DNAH2: variants seen among roughly 807,000 people sequenced by gnomAD.
DNAH2 encodes axonemal beta dynein heavy chain 2.
DNAH2 carries 323 observed loss-of-function variants against 523.5 expected under a neutral mutation model. That is an observed-to-expected ratio of 0.62 (90% CI 0.56 to 0.68). The LOEUF (loss-of-function observed/expected upper bound fraction) is 0.68, where lower values mean the gene tolerates loss of function less well. Ranked by LOEUF, DNAH2 falls within the 30% of genes least tolerant of loss-of-function variation. The pLI is 0.00. For missense variants in DNAH2, 4,907 were observed against 5,701.5 expected (o/e 0.86, Z 4.49); for synonymous variants, 2,093 against 2,177.4 (o/e 0.96, Z 1.08).
At chr17:7,806,546 C>A (rs540139993) in intron 61 of DNAH2, among the ~76,000 whole-genome samples, 42 of 150,562 alleles carry the variant, frequency 2.8e-4, no homozygotes, top group African/African-American at 9.3e-4. Flanking sequence ...GTAGTCCCAG[C>A]TACTCGGGAG....
chr17:7,802,299 A>G (rs1334835756), intron 58 of DNAH2, among the ~76,000 whole-genome samples: 1 of 152,236 alleles, frequency 6.6e-6, no homozygotes, highest in Non-Finnish European at 1.5e-5. Flanking sequence ...TTGCCATAAT[A>G]TACCCAGTCC....
At chr17:7,763,095 C>T (rs1328802656) in intron 18 of DNAH2, among the ~76,000 whole-genome samples, 4 of 151,970 alleles carry the variant, frequency 2.6e-5, no homozygotes, top group Admixed American at 6.6e-5. Flanking sequence ...TCTGCCTCAG[C>T]CTCCCCAGTA....
Position 7,760,640 on chromosome 17 carries a change from C to T in DNAH2, c.2786-100C>T, listed in dbSNP as rs1429028773. The T allele has an allele frequency of 2.6e-6, 3 of 1,139,814 alleles. No individual in the cohort carries two copies. The highest frequency in any genetic ancestry group is 1.2e-6 in the Non-Finnish European group (1 of 803,570). The allele number at this position is 1,139,814 out of a possible 1,614,324, so 70.6% of individuals were successfully genotyped here. Reference sequence around the variant, plus strand: ...GTTTGAGCTGTATTTCTCTGGGAAGCTGGTTTTAGAGTGGAAGGTCTGGAG... The same window carrying T: ...GTTTGAGCTGTATTTCTCTGGGAAGTTGGTTTTAGAGTGGAAGGTCTGGAG... On this transcript the variant is annotated intron_variant, in intron 17 of 85. Transcript: ENST00000572933. This position sits in a 1 kb window ranked among gnomAD's most constrained non-coding sequence, Gnocchi z 4.0.
At chr17:7,756,402 A>G (rs1446104211) in intron 12 of DNAH2, among the ~76,000 whole-genome samples, 3 of 151,576 alleles carry the variant, frequency 2.0e-5, no homozygotes, top group Non-Finnish European at 4.4e-5. Flanking sequence ...TAGCCTCCAG[A>G]GTAGCTGGGA....
intron 5 of DNAH2, 50 bp downstream of exon 5, chr17:7,733,365 G>A (rs2075046451): frequency 3.8e-6 from 6 of 1,576,062 alleles, no homozygotes; most frequent in Non-Finnish European, 4.3e-6. Flanking sequence ...TCCCCCAACT[G>A]TACAACTAGT....
intron 7 of DNAH2, among the ~76,000 whole-genome samples, chr17:7,736,152 G>T (rs1034409435): frequency 1.3e-5 from 2 of 152,072 alleles, no homozygotes; most frequent in Non-Finnish European, 2.9e-5. Flanking sequence ...TGAGATTATA[G>T]GTGTGAGCCA....
chr17:7,767,233 T>C (rs1350316704), intron 22 of DNAH2, among the ~76,000 whole-genome samples: 1 of 152,184 alleles, frequency 6.6e-6, no homozygotes, highest in Non-Finnish European at 1.5e-5. Flanking sequence ...CATAATGTCT[T>C]CAAGGTTCAT....
intron 8 of DNAH2, among the ~76,000 whole-genome samples, chr17:7,739,506 T>C (rs999153969): frequency 1.3e-5 from 2 of 152,236 alleles, no homozygotes; most frequent in African/African-American, 4.8e-5. Flanking sequence ...TTGCCTCTTA[T>C]CGCTGCCCTA....
chr17:7,801,290 T>C (rs2077216510), intron 56 of DNAH2, among the ~76,000 whole-genome samples: 2 of 152,162 alleles, frequency 1.3e-5, no homozygotes, highest in Admixed American at 1.3e-4. Context: ...TCAGCATGTA[T>C]TATTATTCCC....
chr17:7,767,847 A>G, intron 22 of DNAH2, 53 bp from the exon 23 acceptor site: 1 of 1,610,140 alleles, frequency 6.2e-7, no homozygotes. Context: ...GGCGTCCGTC[A>G]GGGAGGAAGA....
Position 7,817,857 on chromosome 17 carries a change from G to A in DNAH2, c.10236+1G>A, listed in dbSNP as rs2077721638. On this transcript the variant is annotated splice_donor_variant, in intron 67 of 85. Transcript: ENST00000572933. LOFTEE classifies it high-confidence loss of function. ...GATTAAGAACATGGAAGGAGGCCAGGTGTGAGGCTGGGGGGTCAGGTTAGC... is the reference window on the plus strand; with the variant it reads ...GATTAAGAACATGGAAGGAGGCCAGATGTGAGGCTGGGGGGTCAGGTTAGC... 1.9e-6 allele frequency: 3 copies of A among 1,613,488 alleles called. No homozygotes were observed. The highest frequency in any genetic ancestry group is 2.2e-5 in the East Asian group (1 of 44,774).
chr17:7,813,392 T>C (rs1226194693), intron 63 of DNAH2, among the ~76,000 whole-genome samples: 1 of 151,956 alleles, frequency 6.6e-6, no homozygotes, highest in Non-Finnish European at 1.5e-5. Flanking sequence ...TGCCTGGCCT[T>C]GTACAAGGAT....
chr17:7,760,016 G>C lies in DNAH2; in HGVS notation c.2785+78G>C. ...TGGGCCAGGCCAGGAGGAGAGACCA[G>C]GGCTATTTCCAGGCATACTGGGCCA... is the stretch of plus-strand genomic sequence containing the variant. On this transcript the variant is annotated intron_variant, in intron 17 of 85. Transcript: ENST00000572933. This position sits in a 1 kb window ranked among gnomAD's most constrained non-coding sequence, Gnocchi z 4.0. The C allele has an allele frequency of 6.3e-7, 1 of 1,599,560 alleles. No individual in the cohort carries two copies. The highest frequency in any genetic ancestry group is 8.6e-7 in the Non-Finnish European group (1 of 1,169,562).
intron 11 of DNAH2, among the ~76,000 whole-genome samples, chr17:7,741,238 CTTT>C (rs1309459150): frequency 4.2e-5 from 1 of 23,902 alleles, no homozygotes; most frequent in Non-Finnish European, 8.1e-5. Flanking sequence ...TTCTCTCTCT[CTTT>C]CTTTCTTTCT....
rs1254023375 is a variant in DNAH2 at position 7,823,345 on chromosome 17, TAC to T, written c.11143-95_11143-94del. ...GTTTTCCCACCGAGAGAGAGAAAAATACAGAGAGAGAGAGAGAGAGAGAGAGG... is the reference window on the plus strand; with the variant it reads ...GTTTTCCCACCGAGAGAGAGAAAAATAGAGAGAGAGAGAGAGAGAGAGAGG... On this transcript the variant is annotated intron_variant, in intron 73 of 85. Coordinates refer to ENST00000572933, the MANE Select transcript of DNAH2 (RefSeq NM_020877.5). The T allele has an allele frequency of 7.9e-6, 8 of 1,009,680 alleles. No individual in the cohort carries two copies. The East Asian group carries it at 8.5e-5, about 11-fold the overall frequency. The allele number at this position is 1,009,680 out of a possible 1,614,324, so 62.5% of individuals were successfully genotyped here. A position where few individuals can be genotyped will look rare whatever the true frequency, so the allele number is the denominator to read the frequency against.
In DNAH2 at chr17:7,821,447, A is replaced by G. The variant is rs2077852986; in HGVS notation, c.11142+78A>G. On this transcript the variant is annotated intron_variant, in intron 73 of 85. Coordinates refer to ENST00000572933, the MANE Select transcript of DNAH2 (RefSeq NM_020877.5). The surrounding 1 kb of genome is among the most constrained non-coding windows in gnomAD (Gnocchi z 5.0). The stretch of plus-strand genomic sequence containing the variant: ...AGGGCAAGTGTGACAAGGACTCCAG[A>G]CCCAGAGGGTCAGGCCCACAGCATC... 1 of 1,511,680 alleles carries G rather than the reference A, an allele frequency of 6.6e-7. No homozygotes were observed. 93.6% of individuals were successfully genotyped at this position (1,511,680 alleles called of 1,614,324 possible).
In DNAH2 at chr17:7,807,255, C is replaced by A. The variant is rs1252004256; in HGVS notation, c.9548C>A (p.Pro3183His). ...GAYCAQPDFQ[P>H]DIIGRVSLAA... The stretch of plus-strand genomic sequence containing the variant: ...TACTGCGCCCAGCCTGACTTCCAGC[C>A]TGATATCATCGGCCGCGTCTCCCTG... Residue 3183 changes from proline (P) to histidine (H), a missense_variant, in exon 62 of 86, where the codon CCT (proline) becomes CAT (histidine). This residue lies in a region of DNAH2 where 1,851 missense variants were observed against 2,139.4 expected (regional missense o/e 0.87). Transcript: ENST00000572933. This position sits in a 1 kb window ranked among gnomAD's most constrained non-coding sequence, Gnocchi z 5.6. 1 of 1,613,876 alleles carries A rather than the reference C, an allele frequency of 6.2e-7. No individual in the cohort carries two copies. Among genetic ancestry groups the A allele is most frequent in the Non-Finnish European group, 8.5e-7 (1 of 1,180,054 alleles).
At chr17:7,796,754 A>C in intron 50 of DNAH2, 102 bp downstream of exon 50, 1 of 1,315,042 alleles carries the variant, frequency 7.6e-7, no homozygotes, top group African/African-American at 1.5e-5. Flanking sequence ...GCGCACCAAA[A>C]GTCACCCCCA....
intron 3 of DNAH2, among the ~76,000 whole-genome samples, chr17:7,725,750 A>AT (rs563378030): frequency 5.0e-3 from 688 of 138,380 alleles, no homozygotes; most frequent in Middle Eastern, 8.3e-3. Context: ...CGCCTGGCCA[A>AT]TTTTTTTTTA....
Sources: allele counts gnomAD v4.1 joint callset (sites outside exome capture counted in the v4.1 genomes callset), GRCh38; gene constraint gnomAD v4.1.1; regional missense constraint gnomAD v4.1.1; non-coding constraint Gnocchi (gnomAD v3.1); transcripts MANE v1.5; gene names NCBI Gene and HGNC (gene_info 2026-07-23, HGNC 2026-07-21).